PANK1: variants seen among roughly 807,000 people sequenced by gnomAD.
PANK1 encodes the protein pantothenic acid kinase 1.
A neutral mutation model predicts 40.1 loss-of-function variants in PANK1; 18 were observed. That is an observed-to-expected ratio of 0.45 (90% confidence interval 0.31 to 0.67). PANK1 has a LOEUF of 0.67. PANK1 is among the 30% of genes least tolerant of loss of function. The pLI, the probability that PANK1 is intolerant of heterozygous loss-of-function variation, is 0.06. For synonymous variants in PANK1, 242 were observed against 237.7 expected, an observed-to-expected ratio of 1.02 and a Z score of -0.17; for missense variants, 457 against 599.6, an observed-to-expected ratio of 0.76 and a Z score of 2.48.
intron 2 of PANK1, among the ~76,000 whole-genome samples, chr10:89,608,233 G>A (rs1326873247): frequency 4.6e-5 from 7 of 151,844 alleles, no homozygotes; most frequent in African/African-American, 1.2e-4. Context: ...GGGTTTCACC[G>A]TGTTAGCCAG....
chr10:89,644,252 G>A (rs934895264), intron 1 of PANK1, among the ~76,000 whole-genome samples: 1 of 152,144 alleles, frequency 6.6e-6, no homozygotes, highest in East Asian at 1.9e-4. Flanking sequence ...CCTCACTCCT[G>A]GACCCCAGCA....
chr10:89,612,130 G>T, intron 1 of PANK1, 82 bp from the exon 2 acceptor site: 1 of 1,104,330 alleles, frequency 9.1e-7, no homozygotes. Flanking sequence ...ATAAGCAAAA[G>T]CAGTGGTATC....
chr10:89,597,202 A>G (rs190527209), intron 3 of PANK1, among the ~76,000 whole-genome samples: 60 of 152,324 alleles, frequency 3.9e-4, no homozygotes, highest in African/African-American at 1.3e-3. Context: ...TGGTTCCCAA[A>G]ATGTGTTTTA....
chr10:89,627,823 A>G (rs1841519035), intron 1 of PANK1, among the ~76,000 whole-genome samples: 1 of 152,214 alleles, frequency 6.6e-6, no homozygotes, highest in Non-Finnish European at 1.5e-5. Flanking sequence ...CATCAAAGAA[A>G]CTTATAATTT....
At chr10:89,622,356 T>A (rs1190732661) in intron 1 of PANK1, among the ~76,000 whole-genome samples, 2 of 152,180 alleles carry the variant, frequency 1.3e-5, no homozygotes, top group East Asian at 3.8e-4. Context: ...ATAAGGTAAT[T>A]ACCCAGTGTT....
At chr10:89,587,851 G>A (rs1353182164) in intron 6 of PANK1, among the ~76,000 whole-genome samples, 1 of 152,156 alleles carries the variant, frequency 6.6e-6, no homozygotes, top group Non-Finnish European at 1.5e-5. Flanking sequence ...GGTACAAAGT[G>A]AGGTTATGAT....
chr10:89,590,035 G>GAA (rs11389233), intron 5 of PANK1, among the ~76,000 whole-genome samples: 1,938 of 100,380 alleles, frequency 0.019, 15 homozygotes, highest in Middle Eastern at 0.037. Flanking sequence ...TGTTAAAAAA[G>GAA]AAAAAAAAAA....
intron 1 of PANK1, among the ~76,000 whole-genome samples, chr10:89,638,551 T>C (rs1056127580): frequency 1.3e-5 from 2 of 152,252 alleles, no homozygotes; most frequent in Non-Finnish European, 2.9e-5. Flanking sequence ...TTTTTAATTA[T>C]AAATTTTATC....
At chr10:89,595,044 T>C (rs1400930017) in intron 3 of PANK1, among the ~76,000 whole-genome samples, 1 of 152,238 alleles carries the variant, frequency 6.6e-6, no homozygotes, top group East Asian at 1.9e-4. Context: ...GCACTGGCTT[T>C]TACTTCTAAG....
At chr10:89,623,462 G>T (rs1304505284) in intron 1 of PANK1, among the ~76,000 whole-genome samples, 1 of 151,580 alleles carries the variant, frequency 6.6e-6, no homozygotes, top group African/African-American at 2.4e-5. Context: ...CTGACCTCGC[G>T]ATTCTCCCAT....
At chr10:89,637,379 T>C (rs902039914) in intron 1 of PANK1, among the ~76,000 whole-genome samples, 18 of 152,196 alleles carry the variant, frequency 1.2e-4, no homozygotes, top group Non-Finnish European at 4.4e-5. Context: ...GCATAGAGTG[T>C]ACTTACACAA....
At chr10:89,622,100 T>C (rs1018146103) in intron 1 of PANK1, among the ~76,000 whole-genome samples, 1 of 152,224 alleles carries the variant, frequency 6.6e-6, no homozygotes, top group African/African-American at 2.4e-5. Flanking sequence ...AATAATCATA[T>C]GCAAAGACCT....
rs181481260 is a variant in PANK1 at position 89,643,920 on chromosome 10, C to T, written c.292+680G>A. The T allele has an allele frequency of 2.9e-4, 393 of 1,334,534 alleles. 4 individuals are homozygous for T. In the African/African-American group the frequency reaches 5.3e-3, roughly 18 times the overall value. The allele number at this position is 1,334,534 out of a possible 1,614,324, so 82.7% of individuals were successfully genotyped here. A position where few individuals can be genotyped will look rare whatever the true frequency, so the allele number is the denominator to read the frequency against. ...CTCCGGTGTACATTACAATTACAAACCCTCAACTCAACCTCCCCCTTCGTT... is the reference window on the plus strand; with the variant it reads ...CTCCGGTGTACATTACAATTACAAATCCTCAACTCAACCTCCCCCTTCGTT... On this transcript the variant is annotated intron_variant, in intron 1 of 6. Transcript: ENST00000307534.
chr10:89,619,208 G>T (rs997727245), intron 1 of PANK1, among the ~76,000 whole-genome samples: 16 of 152,128 alleles, frequency 1.1e-4, no homozygotes, highest in African/African-American at 3.6e-4. Flanking sequence ...TTCAAATATT[G>T]TGGCAAAAAC....
intron 3 of PANK1, among the ~76,000 whole-genome samples, chr10:89,596,375 C>T (rs1168390045): frequency 6.6e-6 from 1 of 152,140 alleles, no homozygotes; most frequent in African/African-American, 2.4e-5. Flanking sequence ...AGAAGGTAAC[C>T]CATTGGCTGA....
intron 2 of PANK1, among the ~76,000 whole-genome samples, chr10:89,609,989 G>A (rs1170440793): frequency 6.6e-6 from 1 of 152,188 alleles, no homozygotes; most frequent in Non-Finnish European, 1.5e-5. Flanking sequence ...GGGCATCCTT[G>A]AGGGACCTGA....
chr10:89,633,649 C>T (rs1247129607), intron 1 of PANK1, among the ~76,000 whole-genome samples: 2 of 152,196 alleles, frequency 1.3e-5, no homozygotes, highest in East Asian at 3.9e-4. Context: ...GCTATTACAG[C>T]ATCTGAGTGA....
chr10:89,623,307 C>T (rs993297676), intron 1 of PANK1, among the ~76,000 whole-genome samples: 4 of 152,102 alleles, frequency 2.6e-5, no homozygotes, highest in South Asian at 2.1e-4. Context: ...CTGCAAGCTC[C>T]GCCTCCTGGG....
intron 2 of PANK1, among the ~76,000 whole-genome samples, chr10:89,608,980 A>ACTC (rs1343738500): frequency 1.1e-3 from 160 of 152,344 alleles, no homozygotes; most frequent in Non-Finnish European, 1.7e-3. Context: ...GCCTAGTCAC[A>ACTC]CAAAGACCCT....
Sources: allele counts gnomAD v4.1 joint callset (sites outside exome capture counted in the v4.1 genomes callset), GRCh38; gene constraint gnomAD v4.1.1; transcripts MANE v1.5; gene names NCBI Gene and HGNC (gene_info 2026-07-23, HGNC 2026-07-21).